The following PCDHGA2 variants were observed in gnomAD, a reference collection of about 807,000 sequenced individuals.
PCDHGA2 encodes the protein protocadherin gamma-A2.
In PCDHGA2, 40 loss-of-function variants were observed where a neutral mutation model predicts 59.2. The ratio of observed to expected loss-of-function variants is 0.68; its 90% CI spans 0.52 to 0.88. The LOEUF (loss-of-function observed/expected upper bound fraction) is 0.88, where lower values mean the gene tolerates loss of function less well. Among genes scored for constraint, PCDHGA2 ranks in the 40% least tolerant of loss-of-function variants. PCDHGA2 has a pLI of 0.00. For missense variants in PCDHGA2, 1,226 were observed against 1,204.0 expected, an observed-to-expected ratio of 1.02 and a Z score of -0.27; for synonymous variants, 560 against 526.0, an observed-to-expected ratio of 1.06 and a Z score of -0.89.
rs774774450 is a variant in PCDHGA2, at chr5:141,398,863, G to A, written c.2424+57468G>A. The A allele has an allele frequency of 2.5e-6, 4 of 1,613,868 alleles. No homozygotes were observed. The highest frequency in any genetic ancestry group is 2.7e-5 in the African/African-American group (2 of 74,928). ...TAATCCCCCGGTATTCAACCGAGACGTGTACAGAGTCAGCCTTCGGGAAAA... is the reference window on the plus strand; with the variant it reads ...TAATCCCCCGGTATTCAACCGAGACATGTACAGAGTCAGCCTTCGGGAAAA... On this transcript the variant is annotated intron_variant, in intron 1 of 3. Transcript: ENST00000394576.
At position 141,477,681 on chromosome 5, in the gene PCDHGA2, T is replaced by C; in HGVS notation, c.2425-17126T>C. On this transcript the variant is annotated intron_variant, in intron 1 of 3. Coordinates refer to ENST00000394576, the MANE Select transcript of PCDHGA2 (RefSeq NM_018915.4). The surrounding 1 kb of genome is among the most constrained non-coding windows in gnomAD (Gnocchi z 4.9). The stretch of plus-strand genomic sequence containing the variant: ...CGTGACAATGGCATAGTGTCATCCT[T>C]AGTGCCCCTAGACTATGAGGATCGG... 6.2e-7 allele frequency: 1 copy of C among 1,614,180 alleles called. No individual in the cohort carries two copies. The highest frequency in any genetic ancestry group is 8.5e-7 in the Non-Finnish European group (1 of 1,180,046).
chr5:141,405,599 A>G, intron 1 of PCDHGA2: 2 of 575,638 alleles, frequency 3.5e-6, no homozygotes, highest in South Asian at 4.5e-5. Flanking sequence ...CCTCCCAAGT[A>G]GAATAACTGG....
intron 3 of PCDHGA2, among the ~76,000 whole-genome samples, chr5:141,509,776 C>T (rs898626809): frequency 7.2e-5 from 11 of 152,140 alleles, no homozygotes; most frequent in African/African-American, 9.7e-5. Context: ...GTCTAGTCCC[C>T]GAGATCATCA....
chr5:141,380,304 C>T (rs1241911160), intron 1 of PCDHGA2, among the ~76,000 whole-genome samples: 3 of 151,974 alleles, frequency 2.0e-5, no homozygotes, highest in Non-Finnish European at 2.9e-5. Flanking sequence ...TATATCTTTG[C>T]TTGAGAATGA....
At chr5:141,408,220 G>C (rs2095061412) in intron 1 of PCDHGA2, 1 of 1,558,876 alleles carries the variant, frequency 6.4e-7, no homozygotes, top group Non-Finnish European at 8.7e-7. Flanking sequence ...GGAGCTGCGC[G>C]CAGAGGCGCC....
intron 1 of PCDHGA2, chr5:141,352,333 C>T: frequency 6.2e-7 from 1 of 1,614,084 alleles, no homozygotes; most frequent in Non-Finnish European, 8.5e-7. Flanking sequence ...TGGTTGTGGC[C>T]TTGGCCTTGA....
chr5:141,350,193 T>C (rs987250508), intron 1 of PCDHGA2: 1 of 1,401,174 alleles, frequency 7.1e-7, no homozygotes, highest in Admixed American at 2.8e-5. Context: ...ATCACAGAAG[T>C]CCAGGGTGCT....
chr5:141,369,402 C>A (rs1207187527), intron 1 of PCDHGA2, among the ~76,000 whole-genome samples: 2 of 152,072 alleles, frequency 1.3e-5, no homozygotes, highest in Non-Finnish European at 2.9e-5. Flanking sequence ...CAGGGTGGTT[C>A]ATGACTATAA....
intron 1 of PCDHGA2, chr5:141,390,359 C>T: frequency 1.3e-6 from 2 of 1,538,574 alleles, no homozygotes; most frequent in Admixed American, 1.9e-5. Flanking sequence ...TACATATTTG[C>T]AGGAAAATAT....
At position 141,485,565 on chromosome 5, in the gene PCDHGA2, C is replaced by T. The variant is rs1213821989; in HGVS notation, c.2425-9242C>T. The T allele has an allele frequency of 2.5e-6, 4 of 1,612,946 alleles. No homozygotes were observed. Among genetic ancestry groups the T allele is most frequent in the Non-Finnish European group, 2.5e-6 (3 of 1,179,042 alleles). On this transcript the variant is annotated intron_variant, in intron 1 of 3. Coordinates refer to ENST00000394576, the MANE Select transcript of PCDHGA2 (RefSeq NM_018915.4). The surrounding 1 kb of genome is among the most constrained non-coding windows in gnomAD (Gnocchi z 5.7). ...ATCGTAGATGTGAATGATCACGCCCCCCGTTTTCCGCGGCAGCAGCTGGAC... is the reference window on the plus strand; with the variant it reads ...ATCGTAGATGTGAATGATCACGCCCTCCGTTTTCCGCGGCAGCAGCTGGAC...
chr5:141,448,896 G>C (rs560617459), intron 1 of PCDHGA2, among the ~76,000 whole-genome samples: 5 of 152,302 alleles, frequency 3.3e-5, no homozygotes, highest in African/African-American at 1.2e-4. Context: ...AGTGAGCCGA[G>C]ATCGTGCCAC....
chr5:141,382,567 T>G (rs1778294618), intron 1 of PCDHGA2, among the ~76,000 whole-genome samples: 1 of 152,132 alleles, frequency 6.6e-6, no homozygotes, highest in African/African-American at 2.4e-5. Context: ...AGCAAAGAAA[T>G]CTAACAGGGA....
intron 1 of PCDHGA2, chr5:141,365,876 G>T: frequency 1.2e-6 from 2 of 1,614,122 alleles, no homozygotes; most frequent in Non-Finnish European, 1.7e-6. Context: ...TGTCCTGTAT[G>T]CTCTGAGATC....
At chr5:141,424,022 A>G (rs2096795541) in intron 1 of PCDHGA2, 13 of 1,046,584 alleles carry the variant, frequency 1.2e-5, no homozygotes, top group Non-Finnish European at 1.4e-5. Context: ...ATGATTCACA[A>G]ACACTTTTTA....
intron 1 of PCDHGA2, chr5:141,428,862 T>TC (rs1345604550): frequency 2.7e-5 from 2 of 74,856 alleles, no homozygotes; most frequent in African/African-American, 2.0e-4. Flanking sequence ...ACGGGAGACT[T>TC]TTTTTTTTTT....
rs138745923 is a variant in PCDHGA2, at chr5:141,420,954, A to C, written c.2425-73853A>C. On this transcript the variant is annotated intron_variant, in intron 1 of 3. Transcript: ENST00000394576. ...GTAATCATTTCTTCTGGAATTTCTTAGTCGTTGCAATAATAAGAATGGGCT... is the reference window on the plus strand; with the variant it reads ...GTAATCATTTCTTCTGGAATTTCTTCGTCGTTGCAATAATAAGAATGGGCT... 3.9e-3 allele frequency: 1,621 copies of C among 412,482 alleles called. 10 individuals are homozygous for C. The highest frequency in any genetic ancestry group is 0.01 in the Admixed American group (249 of 24,550). The allele number at this position is 412,482 out of a possible 1,614,324, so 25.6% of individuals were successfully genotyped here.
Position 141,511,409 on chromosome 5 carries a change from G to C in PCDHGA2, c.*236G>C, listed in dbSNP as rs999907393. On this transcript the variant is annotated 3_prime_UTR_variant, in exon 4 of 4. Coordinates refer to ENST00000394576, the MANE Select transcript of PCDHGA2 (RefSeq NM_018915.4). Reference sequence around the variant, plus strand: ...GGGAACCCCCATCCAATCAACTGCTGTACCCATGGGGGTAGTGGGGTTACT... The same window carrying C: ...GGGAACCCCCATCCAATCAACTGCTCTACCCATGGGGGTAGTGGGGTTACT... The C allele has an allele frequency of 1.1e-6, 1 of 908,516 alleles. No homozygotes were observed. The highest frequency in any genetic ancestry group is 1.7e-5 in the African/African-American group (1 of 59,504). The allele number at this position is 908,516 out of a possible 1,614,324, so 56.3% of individuals were successfully genotyped here.
At chr5:141,372,777 GA>G in intron 1 of PCDHGA2, 1 of 1,609,460 alleles carries the variant, frequency 6.2e-7, no homozygotes, top group East Asian at 2.2e-5. Flanking sequence ...TGACAATCCA[GA>G]AATGCCTTCT....
intron 1 of PCDHGA2, chr5:141,393,614 C>G: frequency 6.2e-7 from 1 of 1,613,778 alleles, no homozygotes; most frequent in Non-Finnish European, 8.5e-7. Context: ...TAACAGCCAG[C>G]GACCCGGATG....
Sources: gnomAD v4.1 joint callset for allele counts (sites outside exome capture counted in the v4.1 genomes callset) on GRCh38, gnomAD v4.1.1 for gene constraint, Gnocchi (gnomAD v3.1) non-coding constraint, MANE v1.5 for transcripts, NCBI Gene and HGNC (gene_info 2026-07-23, HGNC 2026-07-21) for gene names.